Variants in TMLHE observed in about 807,000 individuals in gnomAD.
TMLHE encodes trimethyllysine dioxygenase, mitochondrial.
In TMLHE, 18 loss-of-function variants were observed where a neutral mutation model predicts 25.7. That is an observed-to-expected ratio of 0.70 (90% CI 0.48 to 1.04). The LOEUF (loss-of-function observed/expected upper bound fraction) is 1.04, where lower values mean the gene tolerates loss of function less well. Ranked by LOEUF, TMLHE falls within the 50% of genes least tolerant of loss-of-function variation. The pLI is 0.00. For missense variants in TMLHE, 236 were observed against 259.0 expected (o/e 0.91, Z 0.61); for synonymous variants, 105 against 97.0 (o/e 1.08, Z -0.49).
At chrX:155,511,173 G>C (rs1557333476) in intron 5 of TMLHE, among the ~76,000 whole-genome samples, 1 of 111,568 alleles carries the variant, frequency 9.0e-6, no homozygotes, top group Non-Finnish European at 1.9e-5. Flanking sequence ...GAAGTGTTTA[G>C]CTCATGGAGG....
At chrX:155,551,368 A>T (rs113082797) in intron 1 of TMLHE, among the ~76,000 whole-genome samples, 1,104 of 51,106 alleles carry the variant, frequency 0.022, 45 homozygotes, top group African/African-American at 0.088. Context: ...CCCTCCCCCC[A>T]CCCCAAATCC....
chrX:155,548,225 C>G (rs1283382759), intron 1 of TMLHE, among the ~76,000 whole-genome samples: 2 of 111,791 alleles, frequency 1.8e-5, no homozygotes, highest in Admixed American at 1.9e-4. Context: ...CACAGGCAAG[C>G]TAAGCAAAAA....
intron 2 of TMLHE, 108 bp from the exon 3 acceptor site, chrX:155,524,740 TG>T: frequency 1.4e-6 from 1 of 694,327 alleles, no homozygotes; most frequent in African/African-American, 2.2e-5. Flanking sequence ...CAATAAGGGT[TG>T]AGGGGAGGGA....
intron 2 of TMLHE, among the ~76,000 whole-genome samples, chrX:155,544,722 A>AT (rs1212392312): frequency 9.2e-6 from 1 of 108,708 alleles, no homozygotes; most frequent in Non-Finnish European, 1.9e-5. Context: ...TCTTTTCTTT[A>AT]TTTTTTTTTC....
intron 1 of TMLHE, among the ~76,000 whole-genome samples, chrX:155,589,406 C>T (rs1236609162): frequency 1.8e-5 from 2 of 111,705 alleles, no homozygotes; most frequent in Non-Finnish European, 3.8e-5. Flanking sequence ...GCCAAGATCA[C>T]ACCACTGCAC....
rs1360817305 is a variant in TMLHE, at chrX:155,584,698, G to C, written c.-2+28094C>G. The stretch of plus-strand genomic sequence containing the variant: ...AGCAGAAGTCTTACAGGACAGGAAA[G>C]AATGAGATGATGTATTCAATGTCCT... On this transcript the variant is annotated intron_variant, in intron 1 of 7. Coordinates refer to ENST00000334398, the MANE Select transcript of TMLHE (RefSeq NM_018196.4). Among the ~76,000 whole-genome samples, 6 of 110,649 alleles carry C rather than the reference G, an allele frequency of 5.4e-5. No homozygotes were observed. In the Admixed American group the frequency reaches 5.8e-4, roughly 11 times the overall value.
rs782623057 is a variant in TMLHE at position 155,596,424 on chromosome X, A to G, written c.-2+16368T>C. ...AGGGGTCTACTTGCCTCCAAATACA[A>G]TGTCTCTAATTCAGTCCCTAGATCA... On this transcript the variant is annotated intron_variant, in intron 1 of 7. Transcript: ENST00000334398. Among the ~76,000 whole-genome samples the G allele has an allele frequency of 2.0e-3, 226 of 111,562 alleles. 1 individual carries two copies. Among genetic ancestry groups the G allele is most frequent in the African/African-American group, 7.1e-3 (218 of 30,735 alleles).
intron 2 of TMLHE, among the ~76,000 whole-genome samples, chrX:155,536,826 A>G (rs1217452653): frequency 1.8e-5 from 2 of 112,143 alleles, no homozygotes; most frequent in African/African-American, 3.2e-5. Context: ...CAGGGACTCT[A>G]CATCTTACAT....
intron 1 of TMLHE, among the ~76,000 whole-genome samples, chrX:155,600,433 C>G (rs1373527084): frequency 8.9e-6 from 1 of 111,809 alleles, no homozygotes; most frequent in Non-Finnish European, 1.9e-5. Flanking sequence ...AATTTCACTT[C>G]TGGTTAATAA....
chrX:155,537,898 T>C (rs1037959003), intron 2 of TMLHE, among the ~76,000 whole-genome samples: 1 of 111,954 alleles, frequency 8.9e-6, no homozygotes, highest in African/African-American at 3.2e-5. Context: ...AAACATGATG[T>C]TTTGAAGTAT....
chrX:155,546,043 T>C (rs2067342772), intron 1 of TMLHE, among the ~76,000 whole-genome samples: 1 of 110,570 alleles, frequency 9.0e-6, no homozygotes, highest in South Asian at 3.8e-4. Context: ...TGTGAAACTT[T>C]CTTCTCCGCT....
Position 155,563,145 on chromosome X carries a change from C to T in TMLHE, c.-1-17868G>A, listed in dbSNP as rs1397868024. 1.6e-4 allele frequency among the ~76,000 whole-genome samples: 10 copies of T among 62,356 alleles called. 2 individuals are homozygous for T. The highest frequency in any genetic ancestry group is 3.6e-4 in the African/African-American group (10 of 28,070). 54.1% of individuals were successfully genotyped at this position (62,356 alleles called of 115,157 possible). The stretch of plus-strand genomic sequence containing the variant: ...TCTCCTGGTACCCATTTTCTGTATT[C>T]GTCCATTTTCACACTGCTATAAAGA... On this transcript the variant is annotated intron_variant, in intron 1 of 7. Coordinates refer to ENST00000334398, the MANE Select transcript of TMLHE (RefSeq NM_018196.4).
intron 1 of TMLHE, among the ~76,000 whole-genome samples, chrX:155,555,412 C>T (rs782161401): frequency 9.1e-6 from 1 of 110,336 alleles, no homozygotes; most frequent in East Asian, 2.8e-4. Flanking sequence ...ATCACTGGGT[C>T]AAATGGTAAT....
intron 1 of TMLHE, among the ~76,000 whole-genome samples, chrX:155,603,244 C>G (rs782191617): frequency 3.6e-4 from 40 of 110,850 alleles, no homozygotes; most frequent in Non-Finnish European, 6.2e-4. Flanking sequence ...GTGGGAGGAT[C>G]GTTTGAGCCT....
intron 1 of TMLHE, among the ~76,000 whole-genome samples, chrX:155,561,309 G>A (rs1377662075): frequency 4.9e-5 from 3 of 60,693 alleles, no homozygotes; most frequent in African/African-American, 1.1e-4. Flanking sequence ...AGGAGTGGGG[G>A]GAATTGCCAC....
At chrX:155,540,501 T>C (rs782136921) in intron 2 of TMLHE, among the ~76,000 whole-genome samples, 10 of 109,967 alleles carry the variant, frequency 9.1e-5, no homozygotes, top group Non-Finnish European at 1.7e-4. Context: ...GGAGAGGAAG[T>C]TGATCACCAC....
Position 155,524,464 on chromosome X carries a change from A to C in TMLHE, c.350T>G (p.Phe117Cys). 8.5e-7 allele frequency: 1 copy of C among 1,170,242 alleles called. No homozygotes were observed. Among genetic ancestry groups the C allele is most frequent in the South Asian group, 2.1e-5 (1 of 47,971 alleles). Reference sequence around the variant, plus strand: ...GTCTCCTGTCCACTCACAAGTGAAAAAGAGTGTGGTCTCATCCAGACGAAT... The same window carrying C: ...GTCTCCTGTCCACTCACAAGTGAAACAGAGTGTGGTCTCATCCAGACGAAT... ...KTIRLDETTL[F>C]FTWPDGHVTK... The change falls in exon 3 of 8, where the codon TTT becomes TGT. Residue 117 changes from phenylalanine (F) to cysteine (C), a missense_variant. Phe to Cys is a radical substitution (Grantham distance 205, BLOSUM62 -2). Transcript: ENST00000334398.
At chrX:155,522,440 C>T (rs782034296) in intron 3 of TMLHE, among the ~76,000 whole-genome samples, 9 of 111,811 alleles carry the variant, frequency 8.0e-5, no homozygotes, top group Non-Finnish European at 1.5e-4. Flanking sequence ...CATTTGTGTG[C>T]ATAGCTCTAT....
At chrX:155,518,715 T>G (rs1205391431) in intron 3 of TMLHE, among the ~76,000 whole-genome samples, 1 of 82,088 alleles carries the variant, frequency 1.2e-5, no homozygotes, top group African/African-American at 3.8e-5. Flanking sequence ...ATTGGTCTAT[T>G]CAGAGATTCA....
Sources: allele counts gnomAD v4.1 joint callset (sites outside exome capture counted in the v4.1 genomes callset), GRCh38; gene constraint gnomAD v4.1.1; transcripts MANE v1.5; gene names NCBI Gene and HGNC (gene_info 2026-07-23, HGNC 2026-07-21).